Variants in DNM3 observed in about 807,000 individuals in gnomAD.
DNM3 encodes the protein dynamin 3.
A neutral mutation model predicts 101.6 loss-of-function variants in DNM3; 47 were observed. The ratio of observed to expected loss-of-function variants is 0.46; its 90% CI spans 0.37 to 0.59. DNM3 has a LOEUF of 0.59. DNM3 is among the 20% of genes least tolerant of loss of function. DNM3 has a pLI of 0.00. For synonymous variants in DNM3, 385 were observed against 387.9 expected (o/e 0.99, Z 0.09); for missense variants, 849 against 1,085.7 (o/e 0.78, Z 3.06).
At chr1:171,942,340 G>C (rs2041875611) in intron 2 of DNM3, among the ~76,000 whole-genome samples, 1 of 150,856 alleles carries the variant, frequency 6.6e-6, no homozygotes. Context: ...TTAAGTCCTA[G>C]TTATAAGTTG....
At chr1:172,291,657 G>A (rs2063921296) in intron 15 of DNM3, among the ~76,000 whole-genome samples, 1 of 152,180 alleles carries the variant, frequency 6.6e-6, no homozygotes, top group Non-Finnish European at 1.5e-5. Context: ...ATCTGGTAAA[G>A]TGAGAAAGCA....
At chr1:172,188,704 T>G (rs1371605310) in intron 14 of DNM3, among the ~76,000 whole-genome samples, 1 of 152,090 alleles carries the variant, frequency 6.6e-6, no homozygotes, top group Non-Finnish European at 1.5e-5. Flanking sequence ...GGATTATATA[T>G]AATTGCTGCA....
rs185375342 is a variant in DNM3, at chr1:171,865,370, A to T, written c.161+23553A>T. 2.6e-5 allele frequency among the ~76,000 whole-genome samples: 4 copies of T among 152,126 alleles called. No homozygotes were observed. In the East Asian group the frequency reaches 7.7e-4, roughly 29 times the overall value. On this transcript the variant is annotated intron_variant, in intron 1 of 20. Coordinates refer to ENST00000627582, the MANE Select transcript of DNM3 (RefSeq NM_015569.5). ...ATCTCTACAAAAAAATACAAGAATT[A>T]GCCAGGTATAGTGGTGCATGCCTGT...
intron 4 of DNM3, among the ~76,000 whole-genome samples, chr1:172,027,617 CAGAG>C (rs1553340555): frequency 8.8e-5 from 13 of 147,124 alleles, no homozygotes; most frequent in African/African-American, 2.1e-4. Context: ...CACACACACA[CAGAG>C]AGAGAGAAAT....
intron 15 of DNM3, among the ~76,000 whole-genome samples, chr1:172,259,979 AG>A (rs1416985946): frequency 1.3e-5 from 2 of 152,130 alleles, no homozygotes; most frequent in Admixed American, 1.3e-4. Context: ...TTTTGGGTGT[AG>A]GTCTCCCTTA....
chr1:171,878,172 C>T (rs541509480), intron 1 of DNM3, among the ~76,000 whole-genome samples: 1 of 151,804 alleles, frequency 6.6e-6, no homozygotes, highest in African/African-American at 2.4e-5. Flanking sequence ...TCCAACTCCC[C>T]AAAAGTAAAA....
chr1:172,317,307 C>T (rs1219593957), intron 16 of DNM3, among the ~76,000 whole-genome samples: 1 of 150,636 alleles, frequency 6.6e-6, no homozygotes, highest in Non-Finnish European at 1.5e-5. Context: ...AAATTGACAC[C>T]CTAACATCAC....
At chr1:172,084,535 G>A (rs946169964) in intron 12 of DNM3, among the ~76,000 whole-genome samples, 1 of 152,032 alleles carries the variant, frequency 6.6e-6, no homozygotes, top group African/African-American at 2.4e-5. Context: ...GGGGTGACGT[G>A]GAGTGATTAT....
intron 14 of DNM3, among the ~76,000 whole-genome samples, chr1:172,206,977 C>T (rs1396233967): frequency 3.9e-5 from 6 of 152,002 alleles, no homozygotes; most frequent in Non-Finnish European, 7.4e-5. Flanking sequence ...ATGAGGTGCT[C>T]CTGTTACAGA....
At chr1:172,361,520 G>A (rs757252321) in intron 17 of DNM3, among the ~76,000 whole-genome samples, 1 of 151,806 alleles carries the variant, frequency 6.6e-6, no homozygotes, top group Non-Finnish European at 1.5e-5. Flanking sequence ...TCTCTTTACT[G>A]CAGGGTTCTC....
At chr1:172,372,868 GA>G (rs1217810493) in intron 17 of DNM3, among the ~76,000 whole-genome samples, 1 of 151,408 alleles carries the variant, frequency 6.6e-6, no homozygotes, top group African/African-American at 2.4e-5. Context: ...ATTTTTTGTA[GA>G]GACCAGGTTT....
rs1326250805 is a variant in DNM3, at chr1:172,112,270, C to G, written c.1546-18905C>G. 2.0e-5 allele frequency among the ~76,000 whole-genome samples: 3 copies of G among 152,192 alleles called. No homozygotes were observed. In the East Asian group the frequency reaches 5.8e-4, roughly 29 times the overall value. On this transcript the variant is annotated intron_variant, in intron 13 of 20. Coordinates refer to ENST00000627582, the MANE Select transcript of DNM3 (RefSeq NM_015569.5). ...CTTATGGTCTAGGTAGCAACGGTTT[C>G]ATGACTGAGGTAACTGGGGCACAGA... is the stretch of plus-strand genomic sequence containing the variant.
Position 171,925,217 on chromosome 1 carries a change from T to G in DNM3, c.235+3396T>G, listed in dbSNP as rs569150094. Among the ~76,000 whole-genome samples the G allele has an allele frequency of 2.6e-5, 4 of 151,212 alleles. No individual in the cohort carries two copies. In the East Asian group the frequency reaches 7.8e-4, roughly 30 times the overall value. On this transcript the variant is annotated intron_variant, in intron 2 of 20. Coordinates refer to ENST00000627582, the MANE Select transcript of DNM3 (RefSeq NM_015569.5). ...TGCCCGGCCCTTTGCCCACTTTTTT[T>G]AAATTCTTTTTATTTTATTTTTATT...
At chr1:172,141,317 T>A (rs1558632845) in intron 14 of DNM3, among the ~76,000 whole-genome samples, 1 of 152,126 alleles carries the variant, frequency 6.6e-6, no homozygotes, top group Non-Finnish European at 1.5e-5. Context: ...GTTTCTATCT[T>A]AACTCAGGAA....
chr1:171,899,098 T>C (rs1244489563), intron 1 of DNM3, among the ~76,000 whole-genome samples: 1 of 152,224 alleles, frequency 6.6e-6, no homozygotes, highest in Non-Finnish European at 1.5e-5. Flanking sequence ...CTGTTTGTTG[T>C]TAGCCCAGCT....
At chr1:172,061,865 T>TA (rs1016759594) in intron 10 of DNM3, among the ~76,000 whole-genome samples, 7 of 150,778 alleles carry the variant, frequency 4.6e-5, no homozygotes, top group Non-Finnish European at 7.4e-5. Context: ...AGAAAAAAAT[T>TA]AAAAAAAAAG....
chr1:172,026,919 C>A (rs560330756), intron 4 of DNM3, among the ~76,000 whole-genome samples: 1 of 152,118 alleles, frequency 6.6e-6, no homozygotes, highest in Non-Finnish European at 1.5e-5. Context: ...TCCCAAAGTG[C>A]TGGGATTACA....
chr1:172,291,726 TG>T (rs950868731), intron 15 of DNM3, among the ~76,000 whole-genome samples: 3 of 152,106 alleles, frequency 2.0e-5, no homozygotes, highest in African/African-American at 7.2e-5. Flanking sequence ...ATTTGATAGT[TG>T]TAGTTATAAA....
intron 1 of DNM3, among the ~76,000 whole-genome samples, chr1:171,914,888 G>A (rs545925324): frequency 4.6e-5 from 7 of 152,146 alleles, no homozygotes; most frequent in Non-Finnish European, 8.8e-5. Flanking sequence ...GAGCAGACAA[G>A]TGTGTGTTGA....
Sources: gnomAD v4.1 joint callset for allele counts (sites outside exome capture counted in the v4.1 genomes callset) on GRCh38, gnomAD v4.1.1 for gene constraint, MANE v1.5 for transcripts, NCBI Gene and HGNC (gene_info 2026-07-23, HGNC 2026-07-21) for gene names.